The following SH3RF1 variants were observed in gnomAD, a reference collection of about 807,000 sequenced individuals.
The protein encoded by SH3RF1 is SH3 domain containing ring finger 1, also known as E3 ubiquitin-protein ligase SH3RF1.
Under a neutral mutation model 74.0 loss-of-function variants are expected in SH3RF1, and 32 were observed. The ratio of observed to expected loss-of-function variants is 0.43; its 90% confidence interval spans 0.33 to 0.58. The LOEUF (loss-of-function observed/expected upper bound fraction) is 0.58. Ranked by LOEUF, SH3RF1 falls within the 20% of genes least tolerant of loss-of-function variation. The pLI is 0.05. For missense variants in SH3RF1, 954 were observed against 1,130.9 expected, an observed-to-expected ratio of 0.84 and a Z score of 2.24; for synonymous variants, 396 against 439.6, an observed-to-expected ratio of 0.90 and a Z score of 1.24.
intron 2 of SH3RF1, among the ~76,000 whole-genome samples, chr4:169,225,980 AGCCCCCTTAAACACAAC>A (rs1178589895): frequency 6.6e-6 from 1 of 152,210 alleles, no homozygotes; most frequent in Non-Finnish European, 1.5e-5. Flanking sequence ...TGTTGCTGAC[AGCCCCCTTAAACACAAC>A]AGAAGAGACA....
Position 169,119,380 on chromosome 4 carries a change from G to C in SH3RF1, c.1517+1439C>G, listed in dbSNP as rs1225918584. Among the ~76,000 whole-genome samples, 9 of 146,046 alleles carry C rather than the reference G, an allele frequency of 6.2e-5. No individual in the cohort carries two copies. In the Admixed American group the frequency reaches 6.4e-4, roughly 10 times the overall value. On this transcript the variant is annotated intron_variant, in intron 8 of 11. Coordinates refer to ENST00000284637, the MANE Select transcript of SH3RF1 (RefSeq NM_020870.4). ...TGACCTCAAGTGATCTGCCCACCTT[G>C]GCCTCCTGAAGTGCTGGGATTACAG...
intron 2 of SH3RF1, among the ~76,000 whole-genome samples, chr4:169,180,610 G>A (rs1202402390): frequency 2.0e-5 from 3 of 152,226 alleles, no homozygotes; most frequent in African/African-American, 7.2e-5. Context: ...TCCCCTACCC[G>A]CTTGTTTTTT....
chr4:169,268,920 C>T lies in SH3RF1; in HGVS notation c.293G>A (p.Arg98Lys). The T allele has an allele frequency of 6.2e-7, 1 of 1,614,058 alleles. No homozygotes were observed. The highest frequency in any genetic ancestry group is 8.5e-7 in the Non-Finnish European group (1 of 1,180,040). ...ATTAGCCACAGTGCTGCTCTGAGAC[C>T]TTAATGCATTTGTGCAGTTGGTCCC... ...GSGTNCTNAL[R>K]SQSSTVANCS... Residue 98 changes from arginine (R) to lysine (K), a missense_variant, in exon 2 of 12, where the codon AGG (arginine) becomes AAG (lysine). Arg to Lys is a conservative substitution (Grantham distance 26). Coordinates refer to ENST00000284637, the MANE Select transcript of SH3RF1 (RefSeq NM_020870.4).
At chr4:169,116,119 A>G in intron 10 of SH3RF1, 150 bp downstream of exon 10, 1 of 1,113,366 alleles carries the variant, frequency 9.0e-7, no homozygotes, top group Non-Finnish European at 1.3e-6. Context: ...CTCTACTCCT[A>G]GCACCTGGCA....
At chr4:169,199,271 T>C (rs1205887564) in intron 2 of SH3RF1, among the ~76,000 whole-genome samples, 1 of 152,148 alleles carries the variant, frequency 6.6e-6, no homozygotes, top group Non-Finnish European at 1.5e-5. Flanking sequence ...AATTTCTACG[T>C]TTAGAAAAAC....
At chr4:169,139,652 A>G (rs1422938097) in intron 4 of SH3RF1, among the ~76,000 whole-genome samples, 1 of 152,302 alleles carries the variant, frequency 6.6e-6, no homozygotes, top group Non-Finnish European at 1.5e-5. Flanking sequence ...TATTGGGTAC[A>G]TGTCCAGGAG....
chr4:169,105,439 G>T (rs1036321136), intron 11 of SH3RF1, among the ~76,000 whole-genome samples: 1 of 152,132 alleles, frequency 6.6e-6, no homozygotes, highest in Non-Finnish European at 1.5e-5. Context: ...CCCCAGTGGG[G>T]TATCAAACAG....
intron 2 of SH3RF1, among the ~76,000 whole-genome samples, chr4:169,239,213 C>T (rs770941844): frequency 6.6e-6 from 1 of 152,034 alleles, no homozygotes; most frequent in African/African-American, 2.4e-5. Flanking sequence ...AAGATTGTGC[C>T]GACAAGACTG....
chr4:169,166,986 A>G, intron 2 of SH3RF1: 1 of 201,912 alleles, frequency 5.0e-6, no homozygotes, highest in Non-Finnish European at 1.0e-5. Context: ...AGAAATGACC[A>G]GTGCAAGGTT....
At chr4:169,188,732 T>A (rs1008363404) in intron 2 of SH3RF1, among the ~76,000 whole-genome samples, 6 of 152,212 alleles carry the variant, frequency 3.9e-5, no homozygotes, top group African/African-American at 1.4e-4. Flanking sequence ...TTCAATAAAT[T>A]CTAAATGAAA....
At position 169,173,827 on chromosome 4, in the gene SH3RF1, A is replaced by T. The variant is rs545428429; in HGVS notation, c.394-17148T>A. 2.0e-5 allele frequency among the ~76,000 whole-genome samples: 3 copies of T among 152,040 alleles called. No homozygotes were observed. In the East Asian group the frequency reaches 5.8e-4, roughly 29 times the overall value. On this transcript the variant is annotated intron_variant, in intron 2 of 11. Transcript: ENST00000284637. ...ATGTCTTAGAACCTTGGTTATGAAA[A>T]CTTCATTAATCAGAGACAAGATTTT...
intron 4 of SH3RF1, among the ~76,000 whole-genome samples, chr4:169,139,394 A>G (rs1733749047): frequency 6.6e-6 from 1 of 152,184 alleles, no homozygotes; most frequent in South Asian, 2.1e-4. Flanking sequence ...TTTGCTCAAC[A>G]ATATGCTTTT....
chr4:169,144,702 T>C (rs572364770), intron 4 of SH3RF1, among the ~76,000 whole-genome samples: 1 of 151,492 alleles, frequency 6.6e-6, no homozygotes. Context: ...TAGTGAACTA[T>C]GGTCAACTGG....
intron 6 of SH3RF1, among the ~76,000 whole-genome samples, chr4:169,123,713 A>C (rs1733478764): frequency 6.6e-6 from 1 of 152,146 alleles, no homozygotes; most frequent in South Asian, 2.1e-4. Flanking sequence ...AACACGGTGA[A>C]ACCCCATCTC....
intron 2 of SH3RF1, among the ~76,000 whole-genome samples, chr4:169,248,006 G>T (rs2110741884): frequency 1.3e-5 from 2 of 152,354 alleles, no homozygotes; most frequent in South Asian, 4.1e-4. Flanking sequence ...TGGCGAGGAT[G>T]TGGAGAAACA....
chr4:169,218,529 A>G (rs902245143), intron 2 of SH3RF1, among the ~76,000 whole-genome samples: 1 of 149,190 alleles, frequency 6.7e-6, no homozygotes, highest in African/African-American at 2.5e-5. Flanking sequence ...CAAAAGCAAA[A>G]CACTGGCCTG....
intron 2 of SH3RF1, among the ~76,000 whole-genome samples, chr4:169,173,594 T>G (rs1042415607): frequency 2.0e-5 from 3 of 152,196 alleles, no homozygotes; most frequent in Non-Finnish European, 4.4e-5. Flanking sequence ...GAGGAGCTGG[T>G]GATCCTGAGG....
chr4:169,140,980 C>CT (rs1733775636), intron 4 of SH3RF1, among the ~76,000 whole-genome samples: 3 of 141,120 alleles, frequency 2.1e-5, no homozygotes, highest in African/African-American at 2.6e-5. Context: ...TTTGTTTTTT[C>CT]TTTTCTTTTT....
intron 2 of SH3RF1, among the ~76,000 whole-genome samples, chr4:169,170,839 G>A (rs1734316766): frequency 6.6e-6 from 1 of 152,040 alleles, no homozygotes; most frequent in African/African-American, 2.4e-5. Flanking sequence ...AAGAAGAGCT[G>A]AAAAATGACA....
Sources: gnomAD v4.1 joint callset for allele counts (sites outside exome capture counted in the v4.1 genomes callset) on GRCh38, gnomAD v4.1.1 for gene constraint, MANE v1.5 for transcripts, NCBI Gene and HGNC (gene_info 2026-07-23, HGNC 2026-07-21) for gene names.